CCDC91: variants seen among roughly 807,000 people sequenced by gnomAD.
CCDC91 encodes the protein coiled-coil domain-containing protein 91.
A neutral mutation model predicts 63.2 loss-of-function variants in CCDC91; 48 were observed. The ratio of observed to expected loss-of-function variants is 0.76; its 90% confidence interval spans 0.60 to 0.97. CCDC91 has a LOEUF of 0.97. Among genes scored for constraint, CCDC91 ranks in the 50% least tolerant of loss-of-function variants. CCDC91 has a pLI of 0.00. For synonymous variants in CCDC91, 167 were observed against 165.8 expected (o/e 1.01, Z -0.06); for missense variants, 500 against 494.6 (o/e 1.01, Z -0.10).
At chr12:28,475,799 C>G (rs1951053500) in intron 11 of CCDC91, among the ~76,000 whole-genome samples, 1 of 151,908 alleles carries the variant, frequency 6.6e-6, no homozygotes, top group Non-Finnish European at 1.5e-5. Flanking sequence ...GGCTCCAGAA[C>G]CATGAGGCAA....
chr12:28,211,432 T>C (rs1388790094), intron 1 of CCDC91, among the ~76,000 whole-genome samples: 1 of 152,096 alleles, frequency 6.6e-6, no homozygotes, highest in Non-Finnish European at 1.5e-5. Context: ...TAGCACCCAA[T>C]ATCAGACTGG....
At chr12:28,402,444 A>G (rs536578429) in intron 8 of CCDC91, among the ~76,000 whole-genome samples, 2 of 151,690 alleles carry the variant, frequency 1.3e-5, no homozygotes, top group African/African-American at 4.8e-5. Flanking sequence ...ACTGTGATAT[A>G]TAAGAAAGTA....
rs529920984 is a variant in CCDC91 at position 28,220,597 on chromosome 12, T to G, written c.-15+29956T>G. Among the ~76,000 whole-genome samples, 462 of 152,196 alleles carry G rather than the reference T, an allele frequency of 3.0e-3. 7 individuals are homozygous for G. Among genetic ancestry groups the G allele is most frequent in the African/African-American group, 0.01 (434 of 41,566 alleles). The stretch of plus-strand genomic sequence containing the variant: ...TTTGTCTTTCTTCTCCCTGAAGAAA[T>G]TTCCTCAATATTTCTTTTAGTACAG... On this transcript the variant is annotated intron_variant, in intron 1 of 12. Transcript: ENST00000536442.
intron 1 of CCDC91, among the ~76,000 whole-genome samples, chr12:28,220,783 G>T (rs1943885818): frequency 6.6e-6 from 1 of 151,880 alleles, no homozygotes; most frequent in African/African-American, 2.4e-5. Flanking sequence ...GTTTTACATG[G>T]TTCTGGCAAT....
At chr12:28,275,512 A>G (rs1027582415) in intron 3 of CCDC91, among the ~76,000 whole-genome samples, 1 of 152,152 alleles carries the variant, frequency 6.6e-6, no homozygotes, top group African/African-American at 2.4e-5. Context: ...CCAGGACCAG[A>G]TGGATTCATA....
intron 1 of CCDC91, among the ~76,000 whole-genome samples, chr12:28,199,987 A>G (rs1942086106): frequency 6.6e-6 from 1 of 152,182 alleles, no homozygotes; most frequent in Admixed American, 6.5e-5. Context: ...TTTTCATCAA[A>G]TTAGAGAAGT....
At chr12:28,364,562 G>A (rs779442559) in intron 7 of CCDC91, among the ~76,000 whole-genome samples, 3 of 152,214 alleles carry the variant, frequency 2.0e-5, no homozygotes, top group East Asian at 3.9e-4. Context: ...TATCCCTAAC[G>A]CTGAGGGTGG....
intron 12 of CCDC91, among the ~76,000 whole-genome samples, chr12:28,538,065 C>CT (rs1414146332): frequency 6.9e-6 from 1 of 145,078 alleles, no homozygotes; most frequent in African/African-American, 2.6e-5. Flanking sequence ...TCTTTTTTTT[C>CT]TTTTTTTTCT....
chr12:28,527,447 A>T (rs1941357160), intron 12 of CCDC91, among the ~76,000 whole-genome samples: 1 of 152,190 alleles, frequency 6.6e-6, no homozygotes, highest in South Asian at 2.1e-4. Context: ...GAGTCCTGTG[A>T]TGTGAACCAT....
chr12:28,518,405 T>G (rs1302093503), intron 12 of CCDC91, among the ~76,000 whole-genome samples: 1 of 152,108 alleles, frequency 6.6e-6, no homozygotes, highest in Non-Finnish European at 1.5e-5. Flanking sequence ...TTTTTTCATA[T>G]GTTTGTTGGC....
At chr12:28,339,476 C>T (rs117126871) in intron 6 of CCDC91, among the ~76,000 whole-genome samples, 105 of 151,748 alleles carry the variant, frequency 6.9e-4, no homozygotes, top group Non-Finnish European at 1.1e-3. Flanking sequence ...ATAGTATCAT[C>T]CCTCCTTATC....
At chr12:28,363,519 A>G (rs569028353) in intron 7 of CCDC91, among the ~76,000 whole-genome samples, 76 of 152,318 alleles carry the variant, frequency 5.0e-4, no homozygotes, top group African/African-American at 1.8e-3. Flanking sequence ...TGTGTTGTTG[A>G]TTAAACTTCC....
At chr12:28,346,826 ATCAACTTGACCT>A in intron 6 of CCDC91, among the ~76,000 whole-genome samples, 1 of 152,104 alleles carries the variant, frequency 6.6e-6, no homozygotes, top group East Asian at 1.9e-4. Context: ...GCCATTGGTG[ATCAACTTGACCT>A]TCAACCTCTA....
intron 1 of CCDC91, among the ~76,000 whole-genome samples, chr12:28,252,220 T>G (rs1946160786): frequency 6.6e-6 from 1 of 152,152 alleles, no homozygotes. Flanking sequence ...GGATCTTCCC[T>G]TTGTCTCTAC....
chr12:28,473,562 C>G (rs1247978755), intron 11 of CCDC91, among the ~76,000 whole-genome samples: 2 of 152,044 alleles, frequency 1.3e-5, no homozygotes, highest in Admixed American at 6.6e-5. Flanking sequence ...CCAGGTTGTA[C>G]TGAATTAGTG....
chr12:28,367,299 G>T (rs1944337873), intron 7 of CCDC91, among the ~76,000 whole-genome samples: 1 of 152,130 alleles, frequency 6.6e-6, no homozygotes, highest in South Asian at 2.1e-4. Context: ...GTAATAGACT[G>T]TATGAAGAAG....
chr12:28,316,209 TCTGA>T (rs1432540608), intron 6 of CCDC91, among the ~76,000 whole-genome samples: 2 of 151,950 alleles, frequency 1.3e-5, no homozygotes, highest in African/African-American at 2.4e-5. Context: ...TGTTTTATTC[TCTGA>T]CTGTGTCTTC....
chr12:28,324,889 ATT>A (rs1940842521), intron 6 of CCDC91, among the ~76,000 whole-genome samples: 1 of 151,830 alleles, frequency 6.6e-6, no homozygotes, highest in African/African-American at 2.4e-5. Context: ...TTTGATTGAT[ATT>A]CTCAGTATTT....
chr12:28,477,024 A>G (rs1462926946), intron 11 of CCDC91, among the ~76,000 whole-genome samples: 1 of 152,180 alleles, frequency 6.6e-6, no homozygotes, highest in African/African-American at 2.4e-5. Context: ...ACAGATTCAC[A>G]GTCGAATTCT....
Sources: gnomAD v4.1 joint callset for allele counts (sites outside exome capture counted in the v4.1 genomes callset) on GRCh38, gnomAD v4.1.1 for gene constraint, MANE v1.5 for transcripts, NCBI Gene and HGNC (gene_info 2026-07-23, HGNC 2026-07-21) for gene names.